DCLK3: variants seen among roughly 807,000 people sequenced by gnomAD.
DCLK3 encodes serine/threonine-protein kinase DCLK3.
In DCLK3, 30 loss-of-function variants were observed where a neutral mutation model predicts 46.4. The ratio of observed to expected loss-of-function variants is 0.65; its 90% CI spans 0.48 to 0.88. The LOEUF is 0.88. Ranked by LOEUF, DCLK3 falls within the 40% of genes least tolerant of loss-of-function variation. The pLI is 0.00. For missense variants in DCLK3, 846 were observed against 907.1 expected, an observed-to-expected ratio of 0.93 and a Z score of 0.87; for synonymous variants, 401 against 339.2, an observed-to-expected ratio of 1.18 and a Z score of -2.00.
At chr3:36,750,576 C>A (rs1160473980) in intron 1 of DCLK3, among the ~76,000 whole-genome samples, 1 of 152,170 alleles carries the variant, frequency 6.6e-6, no homozygotes, top group Non-Finnish European at 1.5e-5. Context: ...AAATATGCAT[C>A]TTTTGTAAAC....
chr3:36,758,727 C>G (rs1474333493), intron 1 of DCLK3, among the ~76,000 whole-genome samples: 3 of 152,164 alleles, frequency 2.0e-5, no homozygotes, highest in African/African-American at 4.8e-5. Context: ...CAGACTGAGA[C>G]AGTTGGCATC....
chr3:36,720,504 CTTTTTTT>C (rs34010996), intron 3 of DCLK3, among the ~76,000 whole-genome samples: 1 of 129,334 alleles, frequency 7.7e-6, no homozygotes, highest in Non-Finnish European at 1.6e-5. Context: ...ATCTCCTCAT[CTTTTTTT>C]TTTTTTTTTT....
chr3:36,729,481 TC>T (rs1241788074), intron 2 of DCLK3, among the ~76,000 whole-genome samples: 5 of 152,202 alleles, frequency 3.3e-5, no homozygotes, highest in African/African-American at 1.2e-4. Flanking sequence ...CACCAAAGTG[TC>T]ATGCTTGGAA....
chr3:36,756,464 A>C (rs1000573500), intron 1 of DCLK3, among the ~76,000 whole-genome samples: 1 of 152,166 alleles, frequency 6.6e-6, no homozygotes. Flanking sequence ...GGGACCATGG[A>C]CAGGGACTGA....
Position 36,729,263 on chromosome 3 carries a change from C to A in DCLK3, c.1960-7604G>T, listed in dbSNP as rs1019393677. On this transcript the variant is annotated intron_variant, in intron 2 of 4. Transcript: ENST00000636136. ...TGTGTGTGTGTGGGGGGGGGGGGTA[C>A]AAAAGCCCCCTTTACACACATCTCA... Among the ~76,000 whole-genome samples, 321 of 129,102 alleles carry A rather than the reference C, an allele frequency of 2.5e-3. 5 individuals carry two copies. Among genetic ancestry groups the A allele is most frequent in the African/African-American group, 6.6e-3 (234 of 35,206 alleles). 84.7% of individuals were successfully genotyped at this position (129,102 alleles called of 152,430 possible).
intron 2 of DCLK3, among the ~76,000 whole-genome samples, chr3:36,734,606 G>A (rs1054864744): frequency 6.6e-6 from 1 of 151,918 alleles, no homozygotes; most frequent in Non-Finnish European, 1.5e-5. Context: ...TCACAAAAAA[G>A]AAAGGGTCTA....
chr3:36,721,685 C>G, intron 2 of DCLK3, 26 bp from the exon 3 acceptor site: 1 of 1,613,816 alleles, frequency 6.2e-7, no homozygotes, highest in East Asian at 2.2e-5. Context: ...ATCCCCAAAC[C>G]ACCAAAATTG....
At chr3:36,745,813 C>T (rs527566331) in intron 1 of DCLK3, among the ~76,000 whole-genome samples, 5 of 152,274 alleles carry the variant, frequency 3.3e-5, no homozygotes, top group African/African-American at 1.2e-4. Flanking sequence ...GCAGGAGAAA[C>T]ATTTGTGAAC....
intron 2 of DCLK3, among the ~76,000 whole-genome samples, chr3:36,723,847 G>A (rs1280331859): frequency 6.6e-6 from 1 of 152,200 alleles, no homozygotes; most frequent in Non-Finnish European, 1.5e-5. Context: ...GGGAAATGTG[G>A]GGTCGGATCC....
intron 3 of DCLK3, 147 bp from the exon 4 acceptor site, chr3:36,718,324 C>T: frequency 9.7e-7 from 1 of 1,030,280 alleles, no homozygotes; most frequent in Non-Finnish European, 1.4e-6. Context: ...CTTCCAAACA[C>T]AGCTCCCTGC....
intron 1 of DCLK3, among the ~76,000 whole-genome samples, chr3:36,756,748 G>A (rs546750635): frequency 6.6e-6 from 1 of 152,176 alleles, no homozygotes; most frequent in Admixed American, 6.5e-5. Flanking sequence ...CTAGCTTGTG[G>A]GTATGGAAAC....
intron 4 of DCLK3, among the ~76,000 whole-genome samples, chr3:36,716,593 C>T (rs1463029528): frequency 6.6e-6 from 1 of 152,368 alleles, no homozygotes; most frequent in East Asian, 1.9e-4. Context: ...CATGTCCAAG[C>T]TCTGTCTAAC....
At chr3:36,726,434 T>G (rs982574966) in intron 2 of DCLK3, among the ~76,000 whole-genome samples, 1 of 152,062 alleles carries the variant, frequency 6.6e-6, no homozygotes, top group Non-Finnish European at 1.5e-5. Context: ...TCAACTTGTC[T>G]GCAGGCATAC....
At chr3:36,744,070 A>C (rs985772626) in intron 1 of DCLK3, among the ~76,000 whole-genome samples, 7 of 152,206 alleles carry the variant, frequency 4.6e-5, no homozygotes, top group African/African-American at 1.7e-4. Context: ...TTGTTACTTC[A>C]TCTTAGTAGG....
intron 1 of DCLK3, among the ~76,000 whole-genome samples, chr3:36,743,178 C>G (rs1701363986): frequency 6.6e-6 from 1 of 151,356 alleles, no homozygotes; most frequent in East Asian, 1.9e-4. Context: ...CACTGACATT[C>G]CTACCAAAGG....
At chr3:36,734,369 C>T (rs1701234332) in intron 2 of DCLK3, among the ~76,000 whole-genome samples, 1 of 152,086 alleles carries the variant, frequency 6.6e-6, no homozygotes, top group Non-Finnish European at 1.5e-5. Context: ...ATAAATGTGC[C>T]AGACCTGTCC....
intron 4 of DCLK3, among the ~76,000 whole-genome samples, chr3:36,716,978 G>A (rs998757389): frequency 6.6e-5 from 10 of 152,302 alleles, no homozygotes; most frequent in African/African-American, 2.2e-4. Flanking sequence ...TTAAAGGGGG[G>A]AAAATGAAGA....
rs577536548 is a variant in DCLK3, at chr3:36,732,430, G to A, written c.1959+4778C>T. Among the ~76,000 whole-genome samples the A allele has an allele frequency of 7.2e-5, 11 of 152,272 alleles. No homozygotes were observed. The South Asian group carries it at 2.3e-3, about 32-fold the overall frequency. ...TTATTGTCCTGGAAATTGCTGAAAT[G>A]GATACTGAGAGCCTGTCTTACCAAT... On this transcript the variant is annotated intron_variant, in intron 2 of 4. Transcript: ENST00000636136.
chr3:36,761,386 G>A (rs1215615521), intron 1 of DCLK3, among the ~76,000 whole-genome samples: 1 of 152,116 alleles, frequency 6.6e-6, no homozygotes, highest in East Asian at 1.9e-4. Context: ...AGGTCACCAG[G>A]AGGCTTCAGA....
Sources: allele counts gnomAD v4.1 joint callset (sites outside exome capture counted in the v4.1 genomes callset), GRCh38; gene constraint gnomAD v4.1.1; transcripts MANE v1.5; gene names NCBI Gene and HGNC (gene_info 2026-07-23, HGNC 2026-07-21).